The following SV2C variants were observed in gnomAD, a reference collection of about 807,000 sequenced individuals.
SV2C encodes synaptic vesicle glycoprotein 2C, also known as solute carrier family 22 member B3.
SV2C carries 49 observed loss-of-function variants against 79.7 expected under a neutral mutation model. The ratio of observed to expected loss-of-function variants is 0.61; its 90% CI spans 0.49 to 0.78. SV2C has a LOEUF of 0.78. SV2C is among the 30% of genes least tolerant of loss of function. The pLI is 0.00. For missense variants in SV2C, 833 were observed against 912.9 expected, an observed-to-expected ratio of 0.91 and a Z score of 1.13; for synonymous variants, 334 against 333.2, an observed-to-expected ratio of 1.00 and a Z score of -0.03.
chr5:75,881,350 A>T, the SV2C span, among the ~76,000 whole-genome samples: 1 of 152,208 alleles, frequency 6.6e-6, no homozygotes, highest in African/African-American at 2.4e-5. Context: ...GTTAACATAT[A>T]TAAAGACAGT....
At chr5:75,867,664 TAAG>T in the SV2C span, among the ~76,000 whole-genome samples, 2 of 152,228 alleles carry the variant, frequency 1.3e-5, no homozygotes, top group Admixed American at 1.3e-4. Context: ...GTTTCTTACA[TAAG>T]AAGAATTTCC....
the SV2C span, among the ~76,000 whole-genome samples, chr5:75,908,971 C>T: frequency 2.6e-5 from 4 of 152,158 alleles, no homozygotes; most frequent in Non-Finnish European, 5.9e-5. Context: ...TCATTCCTTA[C>T]GATTTGAAAA....
At chr5:75,942,404 G>A in the SV2C span, among the ~76,000 whole-genome samples, 8 of 152,172 alleles carry the variant, frequency 5.3e-5, no homozygotes, top group African/African-American at 1.9e-4. Context: ...TTGACTGGTG[G>A]GAAGACGTGA....
the SV2C span, among the ~76,000 whole-genome samples, chr5:75,946,953 T>C: frequency 6.6e-6 from 1 of 152,142 alleles, no homozygotes; most frequent in African/African-American, 2.4e-5. Flanking sequence ...TACTGTTTTA[T>C]TTTTGCATTT....
intron 4 of SV2C, chr5:76,242,004 T>C: frequency 7.7e-7 from 1 of 1,290,634 alleles, no homozygotes; most frequent in Non-Finnish European, 1.1e-6. Flanking sequence ...AAGTACACAG[T>C]TATCAAAAAT....
chr5:75,903,037 A>C, the SV2C span, among the ~76,000 whole-genome samples: 2 of 152,190 alleles, frequency 1.3e-5, no homozygotes, highest in African/African-American at 4.8e-5. Flanking sequence ...TTTATTTTTC[A>C]GTTAAGAAAT....
intron 2 of SV2C, among the ~76,000 whole-genome samples, chr5:76,141,107 C>A (rs947696345): frequency 6.6e-6 from 1 of 152,114 alleles, no homozygotes; most frequent in African/African-American, 2.4e-5. Flanking sequence ...TTCTGACATC[C>A]GAGTGGAGGT....
At chr5:76,045,913 G>C in the SV2C span, among the ~76,000 whole-genome samples, 8 of 152,150 alleles carry the variant, frequency 5.3e-5, no homozygotes, top group East Asian at 1.5e-3. Flanking sequence ...GTGGGACATG[G>C]GGAGGGGTAA....
At chr5:75,898,922 T>C in the SV2C span, among the ~76,000 whole-genome samples, 23 of 152,238 alleles carry the variant, frequency 1.5e-4, no homozygotes, top group Non-Finnish European at 8.8e-5. Flanking sequence ...ATATCCCCTT[T>C]GTCATTTTTT....
At chr5:76,161,605 G>A (rs1477477079) in intron 2 of SV2C, among the ~76,000 whole-genome samples, 1 of 152,062 alleles carries the variant, frequency 6.6e-6, no homozygotes, top group Non-Finnish European at 1.5e-5. Flanking sequence ...AAAATGGTAG[G>A]ATTACAGGTA....
chr5:76,285,649 C>T (rs1747330454), intron 5 of SV2C, 132 bp from the exon 6 acceptor site: 4 of 705,956 alleles, frequency 5.7e-6, no homozygotes, highest in Admixed American at 5.5e-5. Flanking sequence ...TCTGTATGTT[C>T]CAATGGGATG....
rs371502691 is a variant in SV2C, at chr5:76,194,735, GT to G, written c.581-178del. 1.1e-3 allele frequency among the ~76,000 whole-genome samples: 175 copies of G among 152,274 alleles called. 2 individuals carry two copies. The East Asian group carries it at 0.021, about 18-fold the overall frequency. ...TGAGGGTCGTGAGACCTTGCCAAGT[GT>G]TTTTTCCATATTGCTTACTCTTCAA... On this transcript the variant is annotated intron_variant, in intron 2 of 12. Coordinates refer to ENST00000502798, the MANE Select transcript of SV2C (RefSeq NM_014979.4).
the SV2C span, among the ~76,000 whole-genome samples, chr5:76,045,870 A>G: frequency 1.3e-4 from 20 of 152,154 alleles, no homozygotes; most frequent in Admixed American, 6.5e-5. Context: ...GCTTAAATCT[A>G]GTGATGGTTA....
the SV2C span, among the ~76,000 whole-genome samples, chr5:75,942,433 T>C: frequency 6.6e-6 from 1 of 152,272 alleles, no homozygotes; most frequent in South Asian, 2.1e-4. Context: ...GCTGGAGCCA[T>C]GTTAGACCAT....
intron 2 of SV2C, among the ~76,000 whole-genome samples, chr5:76,137,388 C>T (rs147057769): frequency 6.6e-6 from 1 of 152,036 alleles, no homozygotes; most frequent in East Asian, 1.9e-4. Flanking sequence ...GAAAGATAAG[C>T]AGGTAGTTGA....
chr5:76,120,399 G>A (rs1372109341), intron 1 of SV2C, among the ~76,000 whole-genome samples: 1 of 145,952 alleles, frequency 6.9e-6, no homozygotes, highest in Non-Finnish European at 1.5e-5. Context: ...TAAGTTTTAG[G>A]GTACATGTGC....
chr5:75,889,789 G>A, the SV2C span, among the ~76,000 whole-genome samples: 3 of 152,058 alleles, frequency 2.0e-5, no homozygotes, highest in Non-Finnish European at 2.9e-5. Context: ...AATTATCATT[G>A]AGTTCAAAGA....
chr5:76,280,853 T>A, intron 4 of SV2C: 1 of 417,402 alleles, frequency 2.4e-6, no homozygotes. Context: ...CGAATTCAGT[T>A]TTTCTGGAAT....
At chr5:76,201,143 T>C (rs1390356508) in intron 3 of SV2C, among the ~76,000 whole-genome samples, 2 of 152,232 alleles carry the variant, frequency 1.3e-5, no homozygotes, top group Non-Finnish European at 2.9e-5. Context: ...CAGCGTTGTG[T>C]GGGAAGGAGG....
Sources: allele counts gnomAD v4.1 joint callset (sites outside exome capture counted in the v4.1 genomes callset), GRCh38; gene constraint gnomAD v4.1.1; transcripts MANE v1.5; gene names NCBI Gene and HGNC (gene_info 2026-07-23, HGNC 2026-07-21).